The following KRT77 variants were observed in gnomAD, a reference collection of about 807,000 sequenced individuals.
KRT77 encodes keratin, type II cytoskeletal 1b.
In KRT77, 44 loss-of-function variants were observed where a neutral mutation model predicts 51.5. The observed-to-expected ratio is 0.85, with a 90% CI of 0.67 to 1.10. The LOEUF (loss-of-function observed/expected upper bound fraction) is 1.10. Ranked by LOEUF, KRT77 falls within the 50% of genes least tolerant of loss-of-function variation. KRT77 has a pLI of 0.00. For missense variants in KRT77, 763 were observed against 743.9 expected, an observed-to-expected ratio of 1.03 and a Z score of -0.30; for synonymous variants, 293 against 302.0, an observed-to-expected ratio of 0.97 and a Z score of 0.31.
rs1341932775 is a variant in KRT77, at chr12:52,702,879, C to T, written c.543+13G>A. On this transcript the variant is annotated intron_variant, in intron 1 of 8. Coordinates refer to ENST00000341809, the MANE Select transcript of KRT77 (RefSeq NM_175078.3). The stretch of plus-strand genomic sequence containing the variant: ...CAGTGACCAATGACCCTCCCTGCCC[C>T]TGAGGTGCTCACCTTGTCAATGAAG... 4 of 1,613,598 alleles carry T rather than the reference C, an allele frequency of 2.5e-6. No homozygotes were observed. In the African/African-American group the frequency reaches 5.3e-5, roughly 22 times the overall value.
intron 1 of KRT77, among the ~76,000 whole-genome samples, chr12:52,700,578 G>A (rs1270762414): frequency 6.6e-6 from 1 of 152,188 alleles, no homozygotes. Context: ...AGAGGAGGCA[G>A]AGGGGCACAG....
At position 52,690,731 on chromosome 12, in the gene KRT77, A is replaced by C; in HGVS notation, c.*434T>G. 3.8e-6 allele frequency: 1 copy of C among 264,902 alleles called. No individual in the cohort carries two copies. Among genetic ancestry groups the C allele is most frequent in the Non-Finnish European group, 7.2e-6 (1 of 138,510 alleles). 16.4% of individuals were successfully genotyped at this position (264,902 alleles called of 1,614,324 possible). On this transcript the variant is annotated 3_prime_UTR_variant, in exon 9 of 9. Transcript: ENST00000341809. The stretch of plus-strand genomic sequence containing the variant: ...TGCCTGGTATCTTTTAGCACTGGGG[A>C]TTAATACTTAGCTGCAGTGGCTTGA...
Position 52,692,458 on chromosome 12 carries a change from C to A in KRT77, c.1390G>T (p.Ala464Ser), listed in dbSNP as rs903879117. ...CCCTCCAGCAGCTGGCGGTAGGTGG[C>A]GATCTCCACATCCAGGGACAGCTTG... ...GVKLSLDVEIATYRQLLEGEE... is the reference protein window; with the variant it reads ...GVKLSLDVEISTYRQLLEGEE... Residue 464 changes from alanine to serine, a missense_variant, in exon 7 of 9, where the codon GCC (alanine) becomes TCC (serine). Coordinates refer to ENST00000341809, the MANE Select transcript of KRT77 (RefSeq NM_175078.3). The A allele has an allele frequency of 1.2e-6, 2 of 1,613,872 alleles. No homozygotes were observed. Among genetic ancestry groups the A allele is most frequent in the African/African-American group, 2.7e-5 (2 of 74,960 alleles).
At chr12:52,692,080 G>C in intron 7 of KRT77, 108 bp from the exon 8 acceptor site, 1 of 1,203,184 alleles carries the variant, frequency 8.3e-7, no homozygotes. Flanking sequence ...AGGGAAATGT[G>C]TGTGCATGAG....
chr12:52,700,665 C>A (rs1941874607), intron 1 of KRT77, among the ~76,000 whole-genome samples: 1 of 152,120 alleles, frequency 6.6e-6, no homozygotes, highest in Admixed American at 6.5e-5. Flanking sequence ...CCATTGTATC[C>A]CGAAAGCTGT....
chr12:52,691,113 T>C lies in KRT77; in HGVS notation c.*52A>G. The C allele has an allele frequency of 6.2e-7, 1 of 1,612,202 alleles. No individual in the cohort carries two copies. Among genetic ancestry groups the C allele is most frequent in the Non-Finnish European group, 8.5e-7 (1 of 1,179,034 alleles). On this transcript the variant is annotated 3_prime_UTR_variant, in exon 9 of 9. Transcript: ENST00000341809. ...CAGGAAGGGCGTGGAGGGGAGGAGTTTGAGGAGAGGGCGGTGAGGGGCAGG... is the reference window on the plus strand; with the variant it reads ...CAGGAAGGGCGTGGAGGGGAGGAGTCTGAGGAGAGGGCGGTGAGGGGCAGG...
In KRT77 at chr12:52,692,984, C is replaced by T. The variant is rs936912794; in HGVS notation, c.1081-104G>A. ...TCTCCCCTGGGAGATTCCCACCCACCTTGCACTGTGGTCACCCCTACATGC... is the reference window on the plus strand; with the variant it reads ...TCTCCCCTGGGAGATTCCCACCCACTTTGCACTGTGGTCACCCCTACATGC... On this transcript the variant is annotated intron_variant, in intron 5 of 8. Transcript: ENST00000341809. 2 of 1,356,676 alleles carry T rather than the reference C, an allele frequency of 1.5e-6. 1 individual carries two copies. Among genetic ancestry groups the T allele is most frequent in the Non-Finnish European group, 2.0e-6 (2 of 978,224 alleles). The allele number at this position is 1,356,676 out of a possible 1,614,324, so 84.0% of individuals were successfully genotyped here.
In KRT77 at chr12:52,703,392, T is replaced by C; in HGVS notation, c.43A>G (p.Ser15Gly). The change falls in exon 1 of 9, where the codon AGC (serine) becomes GGC (glycine). Residue 15 changes from serine to glycine, a missense_variant. By Grantham distance (56) the Ser-to-Gly change is moderately conservative. Coordinates refer to ENST00000341809, the MANE Select transcript of KRT77 (RefSeq NM_175078.3). ...FSSQSAFSSM[S>G]RRVYSTSSSA... ...GAGCTGGTACTATAAACCCGCCTGC[T>C]CATTGAACTAAACGCGGACTGAGAA... 2 of 1,609,502 alleles carry C rather than the reference T, an allele frequency of 1.2e-6. No homozygotes were observed. The highest frequency in any genetic ancestry group is 1.7e-6 in the Non-Finnish European group (2 of 1,176,950).
In KRT77 at chr12:52,689,638, G is replaced by A. The variant is rs1941677467; in HGVS notation, c.*1527C>T. ...GACCAAACAGCAATTTGAGATCACA[G>A]AAAAATTTATTATAGAAATACCAGA... On this transcript the variant is annotated 3_prime_UTR_variant, in exon 9 of 9. Transcript: ENST00000341809. The A allele has an allele frequency of 6.6e-6, 1 of 152,298 alleles. No individual in the cohort carries two copies. Among genetic ancestry groups the A allele is most frequent in the Admixed American group, 6.5e-5 (1 of 15,270 alleles). 9.4% of individuals were successfully genotyped at this position (152,298 alleles called of 1,614,324 possible).
Sources: allele counts gnomAD v4.1 joint callset (sites outside exome capture counted in the v4.1 genomes callset), GRCh38; gene constraint gnomAD v4.1.1; transcripts MANE v1.5; gene names NCBI Gene and HGNC (gene_info 2026-07-23, HGNC 2026-07-21).